The following PRELID2 variants were observed in gnomAD, a reference collection of about 807,000 sequenced individuals.
The protein encoded by PRELID2 is PRELI domain containing 2, also known as PRELI domain-containing protein 2.
Under a neutral mutation model 28.4 loss-of-function variants are expected in PRELID2, and 25 were observed. The ratio of observed to expected loss-of-function variants is 0.88; its 90% CI spans 0.64 to 1.23. The LOEUF (loss-of-function observed/expected upper bound fraction) is 1.23, where lower values mean the gene tolerates loss of function less well. Among genes scored for constraint, PRELID2 ranks in the 50% most tolerant of loss-of-function variants. The pLI, the probability that PRELID2 is intolerant of heterozygous loss-of-function variation, is 0.00. For synonymous variants in PRELID2, 76 were observed against 71.6 expected, an observed-to-expected ratio of 1.06 and a Z score of -0.31; for missense variants, 201 against 214.4, an observed-to-expected ratio of 0.94 and a Z score of 0.39.
intron 1 of PRELID2, among the ~76,000 whole-genome samples, chr5:145,540,904 C>T (rs1250727226): frequency 1.3e-5 from 2 of 151,782 alleles, no homozygotes; most frequent in Admixed American, 6.6e-5. Flanking sequence ...GTGATAATGG[C>T]ATGTGATGGG....
intron 1 of PRELID2, among the ~76,000 whole-genome samples, chr5:145,481,245 T>C (rs751159855): frequency 5.3e-5 from 8 of 152,104 alleles, no homozygotes; most frequent in Non-Finnish European, 1.0e-4. Flanking sequence ...GCATTACCTT[T>C]GGTTTATTTG....
chr5:145,627,436 C>T (rs574548789), intron 1 of PRELID2, among the ~76,000 whole-genome samples: 4 of 152,188 alleles, frequency 2.6e-5, no homozygotes, highest in Admixed American at 2.6e-4. Flanking sequence ...CCAGACTTCA[C>T]CACTATGGAA....
intron 4 of PRELID2, among the ~76,000 whole-genome samples, chr5:145,807,709 AC>A (rs1428113102): frequency 1.3e-5 from 2 of 150,792 alleles, no homozygotes; most frequent in African/African-American, 4.9e-5. Context: ...CCTACCCACA[AC>A]CCCCCGACCC....
At chr5:145,679,209 C>G (rs1266631052) in intron 1 of PRELID2, among the ~76,000 whole-genome samples, 1 of 150,062 alleles carries the variant, frequency 6.7e-6, no homozygotes, top group Non-Finnish European at 1.5e-5. Flanking sequence ...TTCTATGTTC[C>G]CTATTCCCCT....
the PRELID2 span, among the ~76,000 whole-genome samples, chr5:145,465,387 G>A: frequency 9.8e-4 from 149 of 152,210 alleles, no homozygotes; most frequent in East Asian, 0.011. Context: ...AATTAAATGC[G>A]TAAGAGTTGA....
chr5:145,249,835 G>A, the PRELID2 span, among the ~76,000 whole-genome samples: 1 of 152,066 alleles, frequency 6.6e-6, no homozygotes, highest in Non-Finnish European at 1.5e-5. Flanking sequence ...AATGAAGAGT[G>A]AGGTGATAGA....
chr5:145,468,023 C>T (rs1487179276), downstream of PRELID2, among the ~76,000 whole-genome samples: 5 of 151,876 alleles, frequency 3.3e-5, no homozygotes, highest in Non-Finnish European at 5.9e-5. Context: ...GTCATTAACT[C>T]GTCATTTACA....
the PRELID2 span, among the ~76,000 whole-genome samples, chr5:145,373,113 TATATAATATACATGATATATATTACA>T: frequency 2.1e-5 from 1 of 48,276 alleles, no homozygotes; most frequent in Non-Finnish European, 3.3e-5. Flanking sequence ...TATTACAACA[TATATAATATACATGATATATATTACA>T]ACATATATAA....
At chr5:145,371,572 C>CT in the PRELID2 span, among the ~76,000 whole-genome samples, 4 of 151,878 alleles carry the variant, frequency 2.6e-5, no homozygotes, top group African/African-American at 9.7e-5. Flanking sequence ...CTAAAATTTT[C>CT]TTTTTTTGTT....
At chr5:145,304,397 C>T in the PRELID2 span, among the ~76,000 whole-genome samples, 2 of 152,146 alleles carry the variant, frequency 1.3e-5, no homozygotes, top group African/African-American at 4.8e-5. Flanking sequence ...TTTCGAGAGA[C>T]ATGCACTTTT....
At chr5:145,354,375 C>T in the PRELID2 span, among the ~76,000 whole-genome samples, 1 of 151,988 alleles carries the variant, frequency 6.6e-6, no homozygotes, top group South Asian at 2.1e-4. Flanking sequence ...TTTTTATTTT[C>T]CATTCTTGAC....
intron 1 of PRELID2, among the ~76,000 whole-genome samples, chr5:145,704,612 C>T (rs1458851056): frequency 6.6e-6 from 1 of 152,236 alleles, no homozygotes; most frequent in Non-Finnish European, 1.5e-5. Context: ...TAACCCACAA[C>T]TGTTCCTCTT....
chr5:145,499,712 T>C (rs2126632912), intron 1 of PRELID2, among the ~76,000 whole-genome samples: 1 of 152,302 alleles, frequency 6.6e-6, no homozygotes, highest in Middle Eastern at 3.4e-3. Context: ...ATCAAGTACC[T>C]TCTGTGTTCT....
chr5:145,236,546 C>T, the PRELID2 span, among the ~76,000 whole-genome samples: 4 of 152,260 alleles, frequency 2.6e-5, no homozygotes, highest in African/African-American at 9.6e-5. Context: ...CGATCTAAGT[C>T]TAGCTCCTAA....
chr5:145,820,108 T>A, intron 2 of PRELID2, 90 bp from the exon 3 acceptor site: 1 of 556,156 alleles, frequency 1.8e-6, no homozygotes, highest in South Asian at 2.2e-5. Context: ...GGGGTTTTTT[T>A]GTTTTTTGTT....
chr5:145,568,883 A>G (rs767503553), intron 1 of PRELID2, among the ~76,000 whole-genome samples: 1 of 152,214 alleles, frequency 6.6e-6, no homozygotes, highest in African/African-American at 2.4e-5. Context: ...CCCCACCACC[A>G]TCTCAGAGCA....
intron 1 of PRELID2, among the ~76,000 whole-genome samples, chr5:145,744,738 C>T (rs1242903274): frequency 6.6e-6 from 1 of 152,142 alleles, no homozygotes; most frequent in Non-Finnish European, 1.5e-5. Context: ...ACTAGACAAA[C>T]TCACAGAGAT....
At chr5:145,777,822 G>C (rs932011457) in intron 5 of PRELID2, among the ~76,000 whole-genome samples, 2 of 152,124 alleles carry the variant, frequency 1.3e-5, no homozygotes, top group African/African-American at 2.4e-5. Context: ...TGGGGGCCAG[G>C]GGGTGGGAAG....
At chr5:145,485,807 A>T (rs1752212330) in intron 1 of PRELID2, among the ~76,000 whole-genome samples, 1 of 152,194 alleles carries the variant, frequency 6.6e-6, no homozygotes, top group Non-Finnish European at 1.5e-5. Context: ...TCACCCAGGG[A>T]AGTAATTTGT....
Sources: allele counts gnomAD v4.1 joint callset (sites outside exome capture counted in the v4.1 genomes callset), GRCh38; gene constraint gnomAD v4.1.1; transcripts MANE v1.5; gene names NCBI Gene and HGNC (gene_info 2026-07-23, HGNC 2026-07-21).